INSR: variants seen among roughly 807,000 people sequenced by gnomAD.
The protein encoded by INSR is insulin receptor, also known as IR.
A neutral mutation model predicts 142.6 loss-of-function variants in INSR; 67 were observed. The observed-to-expected ratio is 0.47, with a 90% CI of 0.39 to 0.58. INSR has a LOEUF of 0.58. Ranked by LOEUF, INSR falls within the 20% of genes least tolerant of loss-of-function variation. The probability of loss-of-function intolerance (pLI) is 0.00; values close to 1 mark genes in which losing one functional copy is unlikely to be tolerated. For missense variants in INSR, 1,248 were observed against 1,833.2 expected, an observed-to-expected ratio of 0.68 and a Z score of 5.83; for synonymous variants, 756 against 743.1, an observed-to-expected ratio of 1.02 and a Z score of -0.28.
At chr19:7,140,391 T>A (rs1022251315) in intron 13 of INSR, among the ~76,000 whole-genome samples, 2 of 152,222 alleles carry the variant, frequency 1.3e-5, no homozygotes, top group Non-Finnish European at 2.9e-5. Flanking sequence ...ATATCACCCA[T>A]GGCAGCTTTC....
intron 2 of INSR, among the ~76,000 whole-genome samples, chr19:7,189,381 G>T (rs1270681596): frequency 6.6e-6 from 1 of 152,224 alleles, no homozygotes; most frequent in Non-Finnish European, 1.5e-5. Flanking sequence ...CTGTGTTGGA[G>T]CCCTAGCTGA....
intron 11 of INSR, among the ~76,000 whole-genome samples, chr19:7,149,064 C>T (rs1247121307): frequency 5.3e-5 from 8 of 152,138 alleles, no homozygotes; most frequent in Non-Finnish European, 1.0e-4. Flanking sequence ...TGCGTCACCA[C>T]GCCCAGCTAA....
rs141391202 is a variant in INSR, at chr19:7,198,156, C to T, written c.653-13519G>A. 1.3e-5 allele frequency among the ~76,000 whole-genome samples: 2 copies of T among 151,994 alleles called. 1 individual carries two copies. The highest frequency in any genetic ancestry group is 2.9e-5 in the Non-Finnish European group (2 of 67,878). On this transcript the variant is annotated intron_variant, in intron 2 of 21. Coordinates refer to ENST00000302850, the MANE Select transcript of INSR (RefSeq NM_000208.4). Reference sequence around the variant, plus strand: ...CCGGAGGCCTCAGCGCAGCACAAAGCCCGGGGCGCACTCCGCTCCGGGGAA... The same window carrying T: ...CCGGAGGCCTCAGCGCAGCACAAAGTCCGGGGCGCACTCCGCTCCGGGGAA...
chr19:7,204,459 G>A (rs2042902), intron 2 of INSR, among the ~76,000 whole-genome samples: 89,943 of 151,960 alleles, frequency 0.59, 27,390 homozygotes, highest in African/African-American at 0.76. Flanking sequence ...GCCACTCCCC[G>A]TGTATATACC....
chr19:7,221,385 AGG>A (rs1975608201), intron 2 of INSR, among the ~76,000 whole-genome samples: 1 of 144,674 alleles, frequency 6.9e-6, no homozygotes, highest in South Asian at 2.3e-4. Flanking sequence ...AAAAAGGAGG[AGG>A]AGGAGGAGGA....
intron 13 of INSR, among the ~76,000 whole-genome samples, chr19:7,134,326 G>A (rs1296784738): frequency 6.6e-6 from 1 of 152,222 alleles, no homozygotes; most frequent in Admixed American, 6.5e-5. Flanking sequence ...CAGGGCCTAT[G>A]CCAGATTTCC....
intron 1 of INSR, among the ~76,000 whole-genome samples, chr19:7,284,152 C>T (rs1355728441): frequency 1.3e-5 from 2 of 152,092 alleles, no homozygotes; most frequent in Middle Eastern, 3.4e-3. Context: ...GCAACCTTCA[C>T]CTCCTAGGCT....
chr19:7,234,153 C>A (rs987643856), intron 2 of INSR, among the ~76,000 whole-genome samples: 1 of 151,992 alleles, frequency 6.6e-6, no homozygotes. Flanking sequence ...TGATGATCCG[C>A]CCACCTCAGG....
chr19:7,133,272 A>T (rs1020794270), intron 13 of INSR, among the ~76,000 whole-genome samples: 1 of 152,134 alleles, frequency 6.6e-6, no homozygotes, highest in Non-Finnish European at 1.5e-5. Context: ...TAAAATAAAT[A>T]AACAAAAATA....
intron 2 of INSR, among the ~76,000 whole-genome samples, chr19:7,257,661 TAAGGAAGGAAGGAAGA>T (rs1477126857): frequency 2.7e-5 from 4 of 145,930 alleles, no homozygotes; most frequent in Non-Finnish European, 4.5e-5. Flanking sequence ...TCTCAAAAAG[TAAGGAAGGAAGGAAGA>T]AAGGAAGGAG....
At chr19:7,171,559 T>C (rs1187336461) in intron 5 of INSR, among the ~76,000 whole-genome samples, 11 of 152,044 alleles carry the variant, frequency 7.2e-5, no homozygotes, top group Admixed American at 7.2e-4. Context: ...AAGGAGAAGG[T>C]TGGAATATAC....
intron 1 of INSR, among the ~76,000 whole-genome samples, chr19:7,268,125 C>G (rs559059354): frequency 6.6e-6 from 1 of 152,086 alleles, no homozygotes; most frequent in Admixed American, 6.6e-5. Context: ...TTTGGCAAGC[C>G]CTGTTAAAAT....
intron 2 of INSR, among the ~76,000 whole-genome samples, chr19:7,247,877 C>T (rs1298105347): frequency 2.0e-5 from 3 of 152,190 alleles, no homozygotes; most frequent in Non-Finnish European, 4.4e-5. Flanking sequence ...GTGAGTACAA[C>T]TGAGGGACAA....
At chr19:7,269,320 T>G (rs1212139583) in intron 1 of INSR, among the ~76,000 whole-genome samples, 1 of 142,402 alleles carries the variant, frequency 7.0e-6, no homozygotes, top group Non-Finnish European at 1.5e-5. Flanking sequence ...AAAAAAAAAG[T>G]AGCAGTGATC....
Position 7,294,057 on chromosome 19 carries a change from G to T in INSR, c.-166C>A. ...CCCTGCCGGGGAGGGCCCAGAGGCAGCCCCGGGAAGGGCGCGCGCGGCTTC... is the reference window on the plus strand; with the variant it reads ...CCCTGCCGGGGAGGGCCCAGAGGCATCCCCGGGAAGGGCGCGCGCGGCTTC... On this transcript the variant is annotated 5_prime_UTR_variant, in exon 1 of 22. In the 5' UTR this introduces an upstream ATG that the reference lacks. Transcript: ENST00000302850. 1 of 675,566 alleles carries T rather than the reference G, an allele frequency of 1.5e-6. No individual in the cohort carries two copies. Among genetic ancestry groups the T allele is most frequent in the East Asian group, 6.9e-5 (1 of 14,572 alleles). The allele number at this position is 675,566 out of a possible 1,614,324, so 41.8% of individuals were successfully genotyped here. A position where few individuals can be genotyped will look rare whatever the true frequency, so the allele number is the denominator to read the frequency against.
At chr19:7,291,011 A>G (rs1338474986) in intron 1 of INSR, among the ~76,000 whole-genome samples, 5 of 151,950 alleles carry the variant, frequency 3.3e-5, no homozygotes, top group Non-Finnish European at 5.9e-5. Flanking sequence ...TGGAGGTTGC[A>G]GTGAGCTGAG....
At chr19:7,280,991 C>A (rs962978872) in intron 1 of INSR, among the ~76,000 whole-genome samples, 10 of 152,132 alleles carry the variant, frequency 6.6e-5, no homozygotes, top group Non-Finnish European at 1.5e-4. Context: ...CACAGCCACC[C>A]GGACACCAAC....
intron 2 of INSR, among the ~76,000 whole-genome samples, chr19:7,244,988 T>A (rs8102376): frequency 6.9e-6 from 1 of 145,670 alleles, no homozygotes; most frequent in African/African-American, 2.6e-5. Flanking sequence ...CAGGCTGGAG[T>A]GCAGTGGCAT....
chr19:7,114,642 T>A lies in INSR; in HGVS notation c.*2414A>T, dbSNP rs560545560. ...CAAAGATGTCCATGATTGAATCACATCTTAACAATACACTGAGGTAGACTG... is the reference window on the plus strand; with the variant it reads ...CAAAGATGTCCATGATTGAATCACAACTTAACAATACACTGAGGTAGACTG... On this transcript the variant is annotated 3_prime_UTR_variant, in exon 22 of 22. Transcript: ENST00000302850. 3 of 152,730 alleles carry A rather than the reference T, an allele frequency of 2.0e-5. No homozygotes were observed. The highest frequency in any genetic ancestry group is 7.2e-5 in the African/African-American group (3 of 41,566). 9.5% of individuals were successfully genotyped at this position (152,730 alleles called of 1,614,324 possible).
Sources: gnomAD v4.1 joint callset for allele counts (sites outside exome capture counted in the v4.1 genomes callset) on GRCh38, gnomAD v4.1.1 for gene constraint, MANE v1.5 for transcripts, NCBI Gene and HGNC (gene_info 2026-07-23, HGNC 2026-07-21) for gene names.